RIMS2: variants seen among roughly 807,000 people sequenced by gnomAD.
RIMS2 encodes regulating synaptic membrane exocytosis protein 2.
RIMS2 carries 59 observed loss-of-function variants against 174.4 expected under a neutral mutation model. The observed-to-expected ratio is 0.34, with a 90% CI of 0.27 to 0.42. The LOEUF is 0.42. RIMS2 is among the 10% of genes least tolerant of loss of function. The probability of loss-of-function intolerance (pLI) is 1.00; values close to 1 mark genes in which losing one functional copy is unlikely to be tolerated. For synonymous variants in RIMS2, 606 were observed against 572.5 expected (o/e 1.06, Z -0.84); for missense variants, 1,620 against 1,666.3 (o/e 0.97, Z 0.48).
At chr8:104,229,975 C>G (rs2099215473) in intron 19 of RIMS2, among the ~76,000 whole-genome samples, 1 of 152,136 alleles carries the variant, frequency 6.6e-6, no homozygotes, top group South Asian at 2.1e-4. Context: ...ATTTGAAGTA[C>G]CATTTTTTAA....
intron 19 of RIMS2, among the ~76,000 whole-genome samples, chr8:104,107,296 C>T (rs1041077713): frequency 1.3e-5 from 2 of 152,114 alleles, no homozygotes; most frequent in Non-Finnish European, 2.9e-5. Flanking sequence ...CGTACCTTCT[C>T]TTCTCTTCAC....
intron 19 of RIMS2, among the ~76,000 whole-genome samples, chr8:104,167,718 C>G (rs1423231910): frequency 1.3e-5 from 2 of 152,050 alleles, no homozygotes; most frequent in Middle Eastern, 3.2e-3. Flanking sequence ...GTTGCATTTG[C>G]TTTTGGAGTT....
chr8:103,595,584 A>G (rs1278075956), intron 1 of RIMS2, among the ~76,000 whole-genome samples: 2 of 151,948 alleles, frequency 1.3e-5, no homozygotes, highest in African/African-American at 4.8e-5. Flanking sequence ...GAAAATTCCA[A>G]GAGAGAGACC....
intron 1 of RIMS2, among the ~76,000 whole-genome samples, chr8:103,572,997 A>G (rs1279004994): frequency 3.3e-5 from 5 of 152,140 alleles, no homozygotes; most frequent in Admixed American, 2.0e-4. Context: ...CCAGATGAGT[A>G]TTTCCTAGGT....
intron 3 of RIMS2, among the ~76,000 whole-genome samples, chr8:103,878,254 C>T (rs1354692361): frequency 1.3e-5 from 2 of 151,814 alleles, no homozygotes; most frequent in Non-Finnish European, 2.9e-5. Context: ...TCAATTAAGC[C>T]TCTTTCCTTT....
chr8:103,540,835 AAAG>A (rs1427262794), intron 1 of RIMS2, among the ~76,000 whole-genome samples: 1 of 152,182 alleles, frequency 6.6e-6, no homozygotes, highest in African/African-American at 2.4e-5. Flanking sequence ...AACAAACAAA[AAAG>A]AAAATCTGGA....
intron 16 of RIMS2, among the ~76,000 whole-genome samples, chr8:103,983,552 G>A (rs185136578): frequency 7.9e-5 from 12 of 152,200 alleles, no homozygotes; most frequent in African/African-American, 2.2e-4. Flanking sequence ...AAACAGACAC[G>A]TAGACCAATG....
chr8:103,560,713 T>G (rs1387225991), intron 1 of RIMS2, among the ~76,000 whole-genome samples: 1 of 152,240 alleles, frequency 6.6e-6, no homozygotes, highest in Non-Finnish European at 1.5e-5. Context: ...ATTTGAAATT[T>G]AAGATATGTT....
chr8:104,252,917 G>A (rs2099362467), downstream of RIMS2: 1 of 151,928 alleles, frequency 6.6e-6, no homozygotes, highest in Non-Finnish European at 1.5e-5. Context: ...TACAAGTTTT[G>A]ATCTGATCCT....
chr8:103,965,621 A>G (rs2091598021), intron 15 of RIMS2, among the ~76,000 whole-genome samples: 1 of 152,088 alleles, frequency 6.6e-6, no homozygotes, highest in Non-Finnish European at 1.5e-5. Context: ...CCTAATCTGT[A>G]TGCATGTATT....
chr8:104,103,997 C>T (rs1211160357), intron 19 of RIMS2, among the ~76,000 whole-genome samples: 1 of 152,042 alleles, frequency 6.6e-6, no homozygotes, highest in African/African-American at 2.4e-5. Flanking sequence ...GAAGGCAAAC[C>T]TACTAGAGTA....
chr8:103,578,596 GA>G (rs1563856538), intron 1 of RIMS2, among the ~76,000 whole-genome samples: 1 of 151,946 alleles, frequency 6.6e-6, no homozygotes, highest in Non-Finnish European at 1.5e-5. Context: ...ACATATAAAG[GA>G]GCTCCATTTT....
chr8:104,050,420 A>G (rs2096766624), intron 19 of RIMS2, among the ~76,000 whole-genome samples: 1 of 152,132 alleles, frequency 6.6e-6, no homozygotes, highest in African/African-American at 2.4e-5. Flanking sequence ...GGGGTGGGGA[A>G]GGAGCTATTT....
chr8:104,159,910 G>A (rs139210243), intron 19 of RIMS2, among the ~76,000 whole-genome samples: 6,293 of 152,208 alleles, frequency 0.041, 297 homozygotes, highest in East Asian at 0.15. Flanking sequence ...AGGCCAAGGC[G>A]GGCCGATCAA....
intron 3 of RIMS2, among the ~76,000 whole-genome samples, chr8:103,850,261 T>G (rs1452155029): frequency 6.6e-6 from 1 of 152,056 alleles, no homozygotes; most frequent in Non-Finnish European, 1.5e-5. Context: ...CCAAGATTTG[T>G]ATCTTGTAGA....
chr8:104,092,059 A>C (rs1392038937), intron 19 of RIMS2, among the ~76,000 whole-genome samples: 1 of 151,760 alleles, frequency 6.6e-6, no homozygotes, highest in Non-Finnish European at 1.5e-5. Context: ...CCTTAGAAAT[A>C]ATTTCTTTAC....
At chr8:103,753,511 G>A (rs996723020) in intron 2 of RIMS2, among the ~76,000 whole-genome samples, 1 of 152,154 alleles carries the variant, frequency 6.6e-6, no homozygotes, top group African/African-American at 2.4e-5. Context: ...CAGAAGGAAT[G>A]GTACCAGTTC....
intron 19 of RIMS2, among the ~76,000 whole-genome samples, chr8:104,184,045 A>G (rs1162593780): frequency 6.6e-6 from 1 of 151,600 alleles, no homozygotes; most frequent in African/African-American, 2.4e-5. Flanking sequence ...GTCTATAAAC[A>G]TGAAAGCATG....
At chr8:103,652,740 A>G (rs753858736) in intron 1 of RIMS2, 30 bp downstream of exon 3, 1 of 1,187,156 alleles carries the variant, frequency 8.4e-7, no homozygotes, top group South Asian at 1.2e-5. Context: ...TAGACTAAAT[A>G]TTATCTCTGA....
Sources: gnomAD v4.1 joint callset for allele counts (sites outside exome capture counted in the v4.1 genomes callset) on GRCh38, gnomAD v4.1.1 for gene constraint, MANE v1.5 for transcripts, NCBI Gene and HGNC (gene_info 2026-07-23, HGNC 2026-07-21) for gene names.